The following CAPN6 variants were observed in gnomAD, a reference collection of about 807,000 sequenced individuals.
CAPN6 encodes the protein calpain-6.
CAPN6 carries 16 observed loss-of-function variants against 46.0 expected under a neutral mutation model. The ratio of observed to expected loss-of-function variants is 0.35; its 90% CI spans 0.24 to 0.53. CAPN6 has a LOEUF of 0.53. Among genes scored for constraint, CAPN6 ranks in the 20% least tolerant of loss-of-function variants. CAPN6 has a pLI of 0.94. For synonymous variants in CAPN6, 206 were observed against 172.8 expected (o/e 1.19, Z -1.51); for missense variants, 461 against 498.0 (o/e 0.93, Z 0.71).
At position 111,248,536 on chromosome X, in the gene CAPN6, C is replaced by T. The variant is rs1299851882; in HGVS notation, c.1484+33G>A. The T allele has an allele frequency of 2.7e-6, 3 of 1,105,240 alleles. No individual in the cohort carries two copies. The South Asian group carries it at 5.5e-5, about 20-fold the overall frequency. 91.1% of individuals were successfully genotyped at this position (1,105,240 alleles called of 1,213,427 possible). On this transcript the variant is annotated intron_variant, in intron 10 of 12. Transcript: ENST00000324068. ...TTAGGATTGGAAGTAAAGCAAAGAA[C>T]AGGGGTTTGAGGGCTTGCGAAGGAA... is the stretch of plus-strand genomic sequence containing the variant.
Position 111,250,638 on chromosome X carries a change from T to C in CAPN6, c.1158+279A>G, listed in dbSNP as rs185718697. Among the ~76,000 whole-genome samples the C allele has an allele frequency of 5.4e-5, 6 of 111,023 alleles. No individual in the cohort carries two copies. The East Asian group carries it at 1.7e-3, about 32-fold the overall frequency. ...GACCATCACAAGGAAGCAGGGATTG[T>C]CAAAGAGCCATACCAGACAATATGG... On this transcript the variant is annotated intron_variant, in intron 8 of 12. Transcript: ENST00000324068.
At position 111,249,068 on chromosome X, in the gene CAPN6, G is replaced by C; in HGVS notation, c.1159-11C>G. ...CACAGTGAAGATGTACTAAGGGAAA[G>C]AGACCACCACAGAGGTGAGTTAGCA... On this transcript the variant is annotated splice_polypyrimidine_tract_variant and intron_variant, in intron 8 of 12. Transcript: ENST00000324068. 3 of 1,210,007 alleles carry C rather than the reference G, an allele frequency of 2.5e-6. No homozygotes were observed. The highest frequency in any genetic ancestry group is 3.0e-5 in the East Asian group (1 of 33,807).
intron 8 of CAPN6, among the ~76,000 whole-genome samples, chrX:111,250,122 G>C (rs955570040): frequency 9.0e-6 from 1 of 111,086 alleles, no homozygotes; most frequent in African/African-American, 3.3e-5. Flanking sequence ...AGAGCAGTAT[G>C]AGTTAGGTGA....
chrX:111,259,688 G>A (rs934300088), intron 2 of CAPN6, among the ~76,000 whole-genome samples: 1 of 112,307 alleles, frequency 8.9e-6, no homozygotes, highest in East Asian at 2.8e-4. Context: ...AACTTGACAG[G>A]AGAGCTGACA....
intron 4 of CAPN6, 90 bp downstream of exon 4, chrX:111,252,918 T>C (rs770920353): frequency 2.5e-5 from 19 of 753,598 alleles, no homozygotes; most frequent in Non-Finnish European, 3.3e-5. Flanking sequence ...AACTCCAGGG[T>C]TGGGCTGGGA....
chrX:111,247,930 A>G lies in CAPN6; in HGVS notation c.1547T>C (p.Val516Ala). The change falls in exon 11 of 13, where the codon GTA becomes GCA. Residue 516 changes from valine (V) to alanine (A), a missense_variant. Physicochemically the swap from Val to Ala is moderately conservative, Grantham distance 64. Coordinates refer to ENST00000324068, the MANE Select transcript of CAPN6 (RefSeq NM_014289.4). ...ACTGTGAACAGTGATCTGAGTAACT[A>G]CTTTCGGGTAGCCACGAGCCAGGTT... The part of the protein sequence containing the change: ...CWNLARGYPK[V>A]VTQITVHSAE... The G allele has an allele frequency of 8.3e-7, 1 of 1,209,893 alleles. No homozygotes were observed. The highest frequency in any genetic ancestry group is 1.1e-6 in the Non-Finnish European group (1 of 893,671).
Position 111,247,464 on chromosome X carries a change from T to C in CAPN6, c.1647A>G (p.Glu549=). 1 of 1,207,503 alleles carries C rather than the reference T, an allele frequency of 8.3e-7. No homozygotes were observed. Residue 549 remains glutamate, a synonymous_variant, in exon 12 of 13, where the codon GAA becomes GAG. Transcript: ENST00000324068. ...PYLVIKCGKE[E]VRSPVQKNTV... is the part of the protein sequence containing the mutation. Reference sequence around the variant, plus strand: ...TATTCTTCTGGACAGGAGAACGGACTTCCTCCTTTCCACATTTGATGACCA... The same window carrying C: ...TATTCTTCTGGACAGGAGAACGGACCTCCTCCTTTCCACATTTGATGACCA...
intron 3 of CAPN6, 47 bp downstream of exon 3, chrX:111,254,225 A>G: frequency 5.4e-6 from 6 of 1,115,980 alleles, no homozygotes; most frequent in Non-Finnish European, 7.1e-6. Context: ...TTATTAAAGA[A>G]GACAAGAAAG....
Position 111,263,761 on chromosome X carries a change from T to C in CAPN6, c.165+11A>G. 8.4e-7 allele frequency: 1 copy of C among 1,195,834 alleles called. No homozygotes were observed. ...GGTCAAGGAGACAGAATGTGTAAAA[T>C]AGAAAGTTACCTGGGGACGTTTCCA... On this transcript the variant is annotated intron_variant, in intron 2 of 12. Transcript: ENST00000324068.
Position 111,245,192 on chromosome X carries a change from T to TA in CAPN6, c.*1384dup, listed in dbSNP as rs1251399338. On this transcript the variant is annotated 3_prime_UTR_variant, in exon 13 of 13. Transcript: ENST00000324068. ...AAGTTAAACAGACTGGAAAACATGG[T>TA]AAAAAATGAGCGAGCTAAAAATGAA... The TA allele has an allele frequency of 8.9e-6, 1 of 112,183 alleles. No individual in the cohort carries two copies. The highest frequency in any genetic ancestry group is 1.9e-5 in the Non-Finnish European group (1 of 53,220). 9.2% of individuals were successfully genotyped at this position (112,183 alleles called of 1,213,427 possible).
At chrX:111,269,969 G>A (rs1412772858) in intron 1 of CAPN6, among the ~76,000 whole-genome samples, 3 of 112,026 alleles carry the variant, frequency 2.7e-5, no homozygotes, top group African/African-American at 9.7e-5. Flanking sequence ...GCAGAAGCTA[G>A]AAGGAGGCCC....
At chrX:111,266,774 C>A (rs1434603870) in intron 1 of CAPN6, among the ~76,000 whole-genome samples, 1 of 112,646 alleles carries the variant, frequency 8.9e-6, no homozygotes, top group African/African-American at 3.2e-5. Flanking sequence ...CACCACACTG[C>A]TTCTTTTGGT....
chrX:111,256,012 A>AT (rs1257334385), intron 2 of CAPN6, among the ~76,000 whole-genome samples: 4 of 111,530 alleles, frequency 3.6e-5, no homozygotes, highest in Non-Finnish European at 3.8e-5. Context: ...TTTTCTTCTC[A>AT]TTTTTTTGGC....
rs34550022 is a variant in CAPN6, at chrX:111,246,643, A to C, written c.1860T>G (p.Thr620=). 13 of 1,211,168 alleles carry C rather than the reference A, an allele frequency of 1.1e-5. No homozygotes were observed. Among genetic ancestry groups the C allele is most frequent in the Non-Finnish European group, 1.5e-5 (13 of 895,020 alleles). Residue 620 remains threonine (T), a synonymous_variant, in exon 13 of 13, where the codon ACT becomes ACG. Transcript: ENST00000324068. The part of the protein sequence containing the change: ...SLYLRKKGGP[T]AKVKQGHISF... ...TGATGTGGCCTTGCTTGACTTTGGC[A>C]GTTGGACCACCCTTCTTACGCAGGT...
At chrX:111,267,003 A>G (rs1214862701) in intron 1 of CAPN6, among the ~76,000 whole-genome samples, 2 of 112,292 alleles carry the variant, frequency 1.8e-5, no homozygotes, top group East Asian at 5.6e-4. Context: ...AAACCCAGAA[A>G]TTTGTAAGTT....
intron 1 of CAPN6, among the ~76,000 whole-genome samples, chrX:111,268,141 C>T (rs972983778): frequency 5.4e-5 from 6 of 111,704 alleles, no homozygotes; most frequent in African/African-American, 2.0e-4. Flanking sequence ...CCACAGAGAT[C>T]CTCTGATCCA....
At position 111,246,277 on chromosome X, in the gene CAPN6, T is replaced by G; in HGVS notation, c.*300A>C. On this transcript the variant is annotated 3_prime_UTR_variant, in exon 13 of 13. Coordinates refer to ENST00000324068, the MANE Select transcript of CAPN6 (RefSeq NM_014289.4). ...AAAGACATCTGTAGGGTGTCCAGCCTCTTGTTATTGTCCTACTTGAATCTC... is the reference window on the plus strand; with the variant it reads ...AAAGACATCTGTAGGGTGTCCAGCCGCTTGTTATTGTCCTACTTGAATCTC... The G allele has an allele frequency of 3.4e-6, 1 of 291,311 alleles. No homozygotes were observed. 24.0% of individuals were successfully genotyped at this position (291,311 alleles called of 1,213,427 possible).
rs1287017186 is a variant in CAPN6 at position 111,246,672 on chromosome X, G to A, written c.1831C>T (p.Leu611=). The A allele has an allele frequency of 8.3e-7, 1 of 1,208,734 alleles. No homozygotes were observed. The highest frequency in any genetic ancestry group is 1.8e-5 in the African/African-American group (1 of 56,929). ...DPSDCRDLKS[L]YLRKKGGPTA... is the part of the protein sequence containing the mutation. ...GGACCACCCTTCTTACGCAGGTACA[G>A]AGACTTCAGATCACGGCAGTCGCTG... Residue 611 remains leucine, a synonymous_variant, in exon 13 of 13, where the codon CTG becomes TTG. Coordinates refer to ENST00000324068, the MANE Select transcript of CAPN6 (RefSeq NM_014289.4).
intron 2 of CAPN6, among the ~76,000 whole-genome samples, chrX:111,260,881 A>G (rs2094987411): frequency 8.9e-6 from 1 of 112,681 alleles, no homozygotes; most frequent in Non-Finnish European, 1.9e-5. Flanking sequence ...TTTTTTAACT[A>G]TTTGATAGCT....
Sources: gnomAD v4.1 joint callset for allele counts (sites outside exome capture counted in the v4.1 genomes callset) on GRCh38, gnomAD v4.1.1 for gene constraint, MANE v1.5 for transcripts, NCBI Gene and HGNC (gene_info 2026-07-23, HGNC 2026-07-21) for gene names.